The following GPC6 variants were observed in gnomAD, a reference collection of about 807,000 sequenced individuals.
GPC6 encodes glypican-6.
GPC6 carries 14 observed loss-of-function variants against 55.2 expected under a neutral mutation model. That is an observed-to-expected ratio of 0.25 (90% CI 0.17 to 0.40). The LOEUF is 0.40. Ranked by LOEUF, GPC6 falls within the 10% of genes least tolerant of loss-of-function variation. The probability of loss-of-function intolerance (pLI) is 1.00; values close to 1 mark genes in which losing one functional copy is unlikely to be tolerated. For missense variants in GPC6, 641 were observed against 708.5 expected (o/e 0.90, Z 1.08); for synonymous variants, 278 against 259.6 (o/e 1.07, Z -0.68).
At chr13:93,556,386 GTGTGTGTGTA>G (rs1875470756) in intron 2 of GPC6, among the ~76,000 whole-genome samples, 1 of 131,088 alleles carries the variant, frequency 7.6e-6, no homozygotes, top group African/African-American at 2.9e-5. Flanking sequence ...GTGTGTGTGT[GTGTGTGTGTA>G]TGTATGTATA....
chr13:94,269,000 G>A (rs1445341737), intron 4 of GPC6, among the ~76,000 whole-genome samples: 1 of 152,128 alleles, frequency 6.6e-6, no homozygotes, highest in Non-Finnish European at 1.5e-5. Flanking sequence ...TCTGTTCTCA[G>A]TACAGAACCT....
At chr13:94,248,658 C>CA (rs1891266860) in intron 4 of GPC6, among the ~76,000 whole-genome samples, 1 of 151,794 alleles carries the variant, frequency 6.6e-6, no homozygotes, top group Non-Finnish European at 1.5e-5. Context: ...CTGATATCCC[C>CA]ATGACCATTT....
At chr13:94,091,900 G>C (rs1333312103) in intron 4 of GPC6, among the ~76,000 whole-genome samples, 1 of 41,094 alleles carries the variant, frequency 2.4e-5, no homozygotes, top group Non-Finnish European at 5.4e-5. Flanking sequence ...AATTCTGTGT[G>C]TGTGTGTTTG....
chr13:94,010,289 A>T (rs540140044), intron 3 of GPC6, among the ~76,000 whole-genome samples: 1 of 152,202 alleles, frequency 6.6e-6, no homozygotes, highest in African/African-American at 2.4e-5. Context: ...AAATGTGATA[A>T]GTACATTTGA....
chr13:94,175,666 A>G (rs1222993099), intron 4 of GPC6, among the ~76,000 whole-genome samples: 1 of 151,920 alleles, frequency 6.6e-6, no homozygotes, highest in Non-Finnish European at 1.5e-5. Flanking sequence ...GCTAATATTT[A>G]GTATAGCTGG....
At chr13:93,324,543 T>A (rs1220198195) in intron 1 of GPC6, among the ~76,000 whole-genome samples, 1 of 129,738 alleles carries the variant, frequency 7.7e-6, no homozygotes, top group Admixed American at 7.6e-5. Context: ...TATGTATGTG[T>A]GTATATATAT....
chr13:93,405,100 T>A lies in GPC6; in HGVS notation c.161-140163T>A, dbSNP rs764404403. ...ATTTAGGAATTCCTAGGGAAACTGG[T>A]TTATAAAGAAGCAAATATACAAGAA... On this transcript the variant is annotated intron_variant, in intron 1 of 8. Transcript: ENST00000377047. 7.9e-5 allele frequency among the ~76,000 whole-genome samples: 12 copies of A among 152,302 alleles called. 1 individual carries two copies. In the South Asian group the frequency reaches 2.5e-3, roughly 32 times the overall value.
chr13:93,324,227 G>T (rs1879560766), intron 1 of GPC6, among the ~76,000 whole-genome samples: 1 of 152,070 alleles, frequency 6.6e-6, no homozygotes, highest in South Asian at 2.1e-4. Flanking sequence ...TCACTTATTT[G>T]TGGGGTCTAA....
At chr13:93,590,665 TGTCA>T (rs1272864349) in intron 2 of GPC6, among the ~76,000 whole-genome samples, 1 of 152,192 alleles carries the variant, frequency 6.6e-6, no homozygotes, top group Non-Finnish European at 1.5e-5. Flanking sequence ...TATACAATTA[TGTCA>T]GTTACTTATT....
At chr13:93,526,225 A>G (rs1268070086) in intron 1 of GPC6, among the ~76,000 whole-genome samples, 4 of 152,094 alleles carry the variant, frequency 2.6e-5, no homozygotes, top group Admixed American at 1.3e-4. Flanking sequence ...ATAAATCGCC[A>G]TACATCAGGG....
At chr13:93,361,061 G>A (rs1001717322) in intron 1 of GPC6, among the ~76,000 whole-genome samples, 3 of 152,020 alleles carry the variant, frequency 2.0e-5, no homozygotes, top group African/African-American at 7.2e-5. Flanking sequence ...CTTGCTTGGT[G>A]CTACGGATAC....
At chr13:94,322,256 C>T (rs1281962796) in intron 6 of GPC6, among the ~76,000 whole-genome samples, 2 of 152,210 alleles carry the variant, frequency 1.3e-5, no homozygotes, top group African/African-American at 4.8e-5. Flanking sequence ...ACATGTCTTT[C>T]ACCTTCCACC....
At chr13:94,308,720 C>G (rs888740766) in intron 6 of GPC6, among the ~76,000 whole-genome samples, 7 of 152,156 alleles carry the variant, frequency 4.6e-5, no homozygotes, top group Non-Finnish European at 1.5e-5. Context: ...GAATTAGTGA[C>G]GTGTAATGCA....
chr13:94,373,823 G>T (rs1339114850), intron 6 of GPC6, among the ~76,000 whole-genome samples: 1 of 152,012 alleles, frequency 6.6e-6, no homozygotes, highest in African/African-American at 2.4e-5. Flanking sequence ...AGAAAGGTCG[G>T]GTTACCCTCA....
intron 4 of GPC6, among the ~76,000 whole-genome samples, chr13:94,070,674 C>T (rs374633523): frequency 7.9e-5 from 12 of 152,094 alleles, no homozygotes; most frequent in Non-Finnish European, 1.5e-4. Context: ...AACATTACAG[C>T]GAGACATATT....
At chr13:93,406,059 T>C (rs1193170944) in intron 1 of GPC6, among the ~76,000 whole-genome samples, 2 of 152,176 alleles carry the variant, frequency 1.3e-5, no homozygotes, top group Non-Finnish European at 2.9e-5. Context: ...ATTCCAGCAT[T>C]TGCATAGTGT....
At chr13:94,102,997 A>G (rs1885921077) in intron 4 of GPC6, among the ~76,000 whole-genome samples, 1 of 152,090 alleles carries the variant, frequency 6.6e-6, no homozygotes, top group Admixed American at 6.6e-5. Flanking sequence ...TTAACTCGTC[A>G]TTTACATTAG....
intron 1 of GPC6, among the ~76,000 whole-genome samples, chr13:93,398,675 A>G (rs941301083): frequency 1.3e-5 from 2 of 152,180 alleles, no homozygotes; most frequent in Non-Finnish European, 2.9e-5. Flanking sequence ...AATTTAAACC[A>G]GGTCCTATGC....
rs1050698640 is a variant in GPC6, at chr13:93,339,993, A to G, written c.160+112377A>G. On this transcript the variant is annotated intron_variant, in intron 1 of 8. Transcript: ENST00000377047. The stretch of plus-strand genomic sequence containing the variant: ...CTAATGTATGGTTTAGTTAATAATA[A>G]TCCATTCAAAAACAAAAACAAAAGT... Among the ~76,000 whole-genome samples the G allele has an allele frequency of 3.3e-5, 5 of 149,874 alleles. No homozygotes were observed. The South Asian group carries it at 8.4e-4, about 25-fold the overall frequency.
Sources: allele counts gnomAD v4.1 joint callset (sites outside exome capture counted in the v4.1 genomes callset), GRCh38; gene constraint gnomAD v4.1.1; transcripts MANE v1.5; gene names NCBI Gene and HGNC (gene_info 2026-07-23, HGNC 2026-07-21).